SEZ6L: variants seen among roughly 807,000 people sequenced by gnomAD.
SEZ6L encodes seizure related 6 homolog like.
In SEZ6L, 37 loss-of-function variants were observed where a neutral mutation model predicts 106.2. That is an observed-to-expected ratio of 0.35 (90% confidence interval 0.27 to 0.46). The LOEUF (loss-of-function observed/expected upper bound fraction) is 0.46. SEZ6L is among the 20% of genes least tolerant of loss of function. The pLI is 1.00. For missense variants in SEZ6L, 1,172 were observed against 1,332.8 expected (o/e 0.88, Z 1.88); for synonymous variants, 541 against 570.4 (o/e 0.95, Z 0.73).
chr22:26,235,663 A>T (rs1467621621), intron 1 of SEZ6L, among the ~76,000 whole-genome samples: 4 of 152,138 alleles, frequency 2.6e-5, no homozygotes, highest in Non-Finnish European at 5.9e-5. Context: ...GAAGAAAGAG[A>T]AGGCATTCTA....
Position 26,313,864 on chromosome 22 carries a change from C to A in SEZ6L, c.1977C>A (p.His659Gln), listed in dbSNP as rs781687221. 6.2e-7 allele frequency: 1 copy of A among 1,610,600 alleles called. No individual in the cohort carries two copies. The highest frequency in any genetic ancestry group is 8.5e-7 in the Non-Finnish European group (1 of 1,177,010). The change falls in exon 9 of 17, where the codon CAC becomes CAA. Residue 659 changes from histidine to glutamine, a missense_variant. His to Gln is a conservative substitution (Grantham distance 24). Transcript: ENST00000248933. ...VEGEDCIWKI[H>Q]VGEEKRIFLD... Reference sequence around the variant, plus strand: ...GTGAAGATTGTATCTGGAAGATCCACGTGGGAGAAGAGAAACGGATCTTCT... The same window carrying A: ...GTGAAGATTGTATCTGGAAGATCCAAGTGGGAGAAGAGAAACGGATCTTCT...
At chr22:26,308,130 G>A (rs571447637) in intron 6 of SEZ6L, among the ~76,000 whole-genome samples, 93 of 152,172 alleles carry the variant, frequency 6.1e-4, no homozygotes, top group African/African-American at 2.1e-3. Flanking sequence ...TTATTGAGGG[G>A]GAAATGGCTA....
intron 1 of SEZ6L, among the ~76,000 whole-genome samples, chr22:26,290,719 G>A (rs911000431): frequency 6.6e-6 from 1 of 152,090 alleles, no homozygotes; most frequent in Non-Finnish European, 1.5e-5. Flanking sequence ...GGTATACAAG[G>A]CCCTCCAGGG....
chr22:26,243,236 CAT>C (rs1298662676), intron 1 of SEZ6L, among the ~76,000 whole-genome samples: 1 of 152,226 alleles, frequency 6.6e-6, no homozygotes, highest in Non-Finnish European at 1.5e-5. Flanking sequence ...AGGATTTGAA[CAT>C]ATGTCTTTGA....
intron 1 of SEZ6L, among the ~76,000 whole-genome samples, chr22:26,255,711 A>C (rs1030391651): frequency 1.3e-5 from 2 of 152,232 alleles, no homozygotes; most frequent in African/African-American, 4.8e-5. Flanking sequence ...GCATAGCAAA[A>C]GCATCCCCAG....
At chr22:26,246,374 A>G (rs2079345193) in intron 1 of SEZ6L, among the ~76,000 whole-genome samples, 1 of 152,188 alleles carries the variant, frequency 6.6e-6, no homozygotes, top group Non-Finnish European at 1.5e-5. Flanking sequence ...AGACACTCAC[A>G]TTTGTTGAAA....
intron 4 of SEZ6L, 149 bp from the exon 5 acceptor site, chr22:26,298,835 G>T (rs748166797): frequency 7.4e-5 from 47 of 631,710 alleles, no homozygotes; most frequent in Non-Finnish European, 1.0e-4. Context: ...TGATCAAAGA[G>T]AGTCACAAAA....
chr22:26,213,901 A>G (rs2078228859), intron 1 of SEZ6L, among the ~76,000 whole-genome samples: 1 of 152,238 alleles, frequency 6.6e-6, no homozygotes, highest in Non-Finnish European at 1.5e-5. Flanking sequence ...AGTTTGAGCA[A>G]TAAAATGAGA....
rs199641007 is a variant in SEZ6L, at chr22:26,369,341, C to CTTTTTTTTTTTTTTTTTTTT, written c.2794+3779_2794+3780insTTTTTTTTTTTTTTTTTTTT. Among the ~76,000 whole-genome samples the CTTTTTTTTTTTTTTTTTTTT allele has an allele frequency of 9.6e-3, 988 of 103,332 alleles. 226 individuals are homozygous for CTTTTTTTTTTTTTTTTTTTT. The highest frequency in any genetic ancestry group is 0.024 in the African/African-American group (494 of 20,530). The allele number at this position is 103,332 out of a possible 152,430, so 67.8% of individuals were successfully genotyped here. The stretch of plus-strand genomic sequence containing the variant: ...ATGACAATGACTTATATAAGCAGTT[C>CTTTTTTTTTTTTTTTTTTTT]TTTTGTTTTTTTTTTTGAGACAGAT... On this transcript the variant is annotated intron_variant, in intron 13 of 16. Transcript: ENST00000248933.
In SEZ6L at chr22:26,381,059, A is replaced by G. The variant is rs5761503; in HGVS notation, c.*764A>G. The G allele has an allele frequency of 0.46, 69,241 of 151,850 alleles. 17,329 individuals are homozygous for G. Among genetic ancestry groups the G allele is most frequent in the East Asian group, 0.94 (4,823 of 5,158 alleles). 9.4% of individuals were successfully genotyped at this position (151,850 alleles called of 1,614,324 possible). A position where few individuals can be genotyped will look rare whatever the true frequency, so the allele number is the denominator to read the frequency against. On this transcript the variant is annotated 3_prime_UTR_variant, in exon 17 of 17. Coordinates refer to ENST00000248933, the MANE Select transcript of SEZ6L (RefSeq NM_021115.5). ...ATCATTGGGTAAGGGAATTGGGTTA[A>G]AATGTTCTTTTCTTTGACACTCTTT...
chr22:26,232,346 T>TCTCA (rs1556162811), intron 1 of SEZ6L, among the ~76,000 whole-genome samples: 7 of 133,172 alleles, frequency 5.3e-5, no homozygotes, highest in African/African-American at 1.7e-4. Flanking sequence ...TCTCTGTCTT[T>TCTCA]CACACACACA....
In SEZ6L at chr22:26,346,319, G is replaced by A. The variant is rs1051299041; in HGVS notation, c.2213-1400G>A. On this transcript the variant is annotated intron_variant, in intron 10 of 16. Transcript: ENST00000248933. ...GGCTTCCCAAAGTGCTGAGATTATA[G>A]GCATGAGCCACTGTGCCCACCTTCT... Among the ~76,000 whole-genome samples, 16 of 152,166 alleles carry A rather than the reference G, an allele frequency of 1.1e-4. No individual in the cohort carries two copies. The South Asian group carries it at 2.7e-3, about 26-fold the overall frequency.
chr22:26,183,472 C>G (rs1322719680), intron 1 of SEZ6L, among the ~76,000 whole-genome samples: 1 of 152,170 alleles, frequency 6.6e-6, no homozygotes, highest in Non-Finnish European at 1.5e-5. Context: ...GGGACCACTC[C>G]CTATAGCCCT....
intron 1 of SEZ6L, among the ~76,000 whole-genome samples, chr22:26,228,274 G>A (rs1490846549): frequency 6.6e-6 from 1 of 152,162 alleles, no homozygotes; most frequent in East Asian, 1.9e-4. Flanking sequence ...TCTAAAAAAT[G>A]AGAGTCTGGG....
At chr22:26,241,135 A>C (rs963792724) in intron 1 of SEZ6L, among the ~76,000 whole-genome samples, 2 of 152,220 alleles carry the variant, frequency 1.3e-5, no homozygotes, top group Non-Finnish European at 2.9e-5. Context: ...AAAGATGGTG[A>C]AGCTGAGACT....
At chr22:26,174,777 T>C (rs910411158) in intron 1 of SEZ6L, among the ~76,000 whole-genome samples, 1 of 152,058 alleles carries the variant, frequency 6.6e-6, no homozygotes, top group Admixed American at 6.6e-5. Flanking sequence ...TGGGAGGAGG[T>C]CAGTGGACGC....
Position 26,294,340 on chromosome 22 carries a change from G to A in SEZ6L, c.884G>A (p.Ser295Asn). The A allele has an allele frequency of 6.2e-7, 1 of 1,614,100 alleles. No homozygotes were observed. Among genetic ancestry groups the A allele is most frequent in the South Asian group, 1.1e-5 (1 of 91,070 alleles). ...FSNPEGYIDS[S>N]DYPLLPLNNF... ...AATCCTGAGGGGTACATTGACTCCA[G>A]CGACTACCCACTGCTGCCCCTCAAC... The change falls in exon 3 of 17, where the codon AGC becomes AAC. Residue 295 changes from serine (S) to asparagine (N), a missense_variant. Physicochemically the swap from Ser to Asn is conservative, Grantham distance 46 (BLOSUM62 1). Coordinates refer to ENST00000248933, the MANE Select transcript of SEZ6L (RefSeq NM_021115.5).
At chr22:26,301,555 AGAG>A (rs1295733680) in intron 5 of SEZ6L, among the ~76,000 whole-genome samples, 1 of 152,246 alleles carries the variant, frequency 6.6e-6, no homozygotes, top group Non-Finnish European at 1.5e-5. Flanking sequence ...GTGAGGATGG[AGAG>A]GACATCAGTT....
chr22:26,269,818 G>A (rs544265686), intron 1 of SEZ6L, among the ~76,000 whole-genome samples: 1 of 152,334 alleles, frequency 6.6e-6, no homozygotes, highest in South Asian at 2.1e-4. Context: ...TCTACTGTGG[G>A]AAGATCAATA....
Sources: allele counts gnomAD v4.1 joint callset (sites outside exome capture counted in the v4.1 genomes callset), GRCh38; gene constraint gnomAD v4.1.1; transcripts MANE v1.5; gene names NCBI Gene and HGNC (gene_info 2026-07-23, HGNC 2026-07-21).